Variants in EMC3 observed in about 807,000 individuals in gnomAD.
EMC3 encodes ER membrane protein complex subunit 3.
Under a neutral mutation model 36.6 loss-of-function variants are expected in EMC3, and 13 were observed. The ratio of observed to expected loss-of-function variants is 0.35; its 90% CI spans 0.23 to 0.56. EMC3 has a LOEUF of 0.56. EMC3 is among the 20% of genes least tolerant of loss of function. EMC3 has a pLI of 0.84. For missense variants in EMC3, 220 were observed against 324.5 expected (o/e 0.68, Z 2.47); for synonymous variants, 120 against 111.9 (o/e 1.07, Z -0.46).
At position 9,986,761 on chromosome 3, in the gene EMC3, C is replaced by G. The variant is rs545186730; in HGVS notation, c.-100G>C. On this transcript the variant is annotated 5_prime_UTR_variant, in exon 1 of 8. Coordinates refer to ENST00000245046, the MANE Select transcript of EMC3 (RefSeq NM_001394674.1). ...TTCGCCTCCGGGCCTTCTCAAGCCC[C>G]TTTGCCCGTGTACCCCAGAACTCTC... 3 of 1,548,834 alleles carry G rather than the reference C, an allele frequency of 1.9e-6. No homozygotes were observed. The highest frequency in any genetic ancestry group is 2.6e-6 in the Non-Finnish European group (3 of 1,148,756).
At chr3:9,975,986 A>T (rs2085845546) in intron 3 of EMC3, among the ~76,000 whole-genome samples, 1 of 152,192 alleles carries the variant, frequency 6.6e-6, no homozygotes, top group Admixed American at 6.5e-5. Context: ...AAAAAAAATT[A>T]ATTATAATAC....
chr3:9,963,821 G>A lies in EMC3; in HGVS notation c.*248C>T. 1 of 417,428 alleles carries A rather than the reference G, an allele frequency of 2.4e-6. No homozygotes were observed. 25.9% of individuals were successfully genotyped at this position (417,428 alleles called of 1,614,324 possible). A position where few individuals can be genotyped will look rare whatever the true frequency, so the allele number is the denominator to read the frequency against. On this transcript the variant is annotated 3_prime_UTR_variant, in exon 8 of 8. Coordinates refer to ENST00000245046, the MANE Select transcript of EMC3 (RefSeq NM_001394674.1). Reference sequence around the variant, plus strand: ...TAGCCTGAGGTTTCCCCCTTTCTCTGACTTTCATTACTAGAGTCACCAGAA... The same window carrying A: ...TAGCCTGAGGTTTCCCCCTTTCTCTAACTTTCATTACTAGAGTCACCAGAA...
chr3:9,986,376 C>T (rs1299126843), intron 1 of EMC3, 131 bp downstream of exon 1: 3 of 1,014,276 alleles, frequency 3.0e-6, no homozygotes, highest in Admixed American at 2.2e-5. Flanking sequence ...AAGTGAAACA[C>T]AGAGGTAACG....
intron 1 of EMC3, among the ~76,000 whole-genome samples, chr3:9,978,008 T>C (rs1213768404): frequency 6.6e-6 from 1 of 151,868 alleles, no homozygotes; most frequent in Non-Finnish European, 1.5e-5. Context: ...GAGCCATAGT[T>C]GATCAATAAA....
At chr3:9,965,702 C>T (rs1454501033) in intron 7 of EMC3, among the ~76,000 whole-genome samples, 2 of 152,140 alleles carry the variant, frequency 1.3e-5, no homozygotes, top group Admixed American at 6.5e-5. Context: ...GCAACTACTA[C>T]GTTATCTTCC....
At chr3:9,989,746 C>T (rs1465473860), upstream of EMC3, among the ~76,000 whole-genome samples, 3 of 152,010 alleles carry the variant, frequency 2.0e-5, no homozygotes, top group African/African-American at 2.4e-5. Context: ...CCTATTTTTA[C>T]GTATTTGTAA....
upstream of EMC3, chr3:9,987,886 C>G: frequency 1.2e-6 from 1 of 837,496 alleles, no homozygotes; most frequent in Non-Finnish European, 2.0e-6. Context: ...AACACCATAG[C>G]TAATATTAAC....
chr3:9,963,475 A>ATT lies in EMC3; in HGVS notation c.*593_*594insAA, dbSNP rs1461623657. 6.8e-5 allele frequency: 7 copies of ATT among 102,548 alleles called. No individual in the cohort carries two copies. The highest frequency in any genetic ancestry group is 1.5e-4 in the Non-Finnish European group (7 of 45,920). The allele number at this position is 102,548 out of a possible 1,614,324, so 6.4% of individuals were successfully genotyped here. A position where few individuals can be genotyped will look rare whatever the true frequency, so the allele number is the denominator to read the frequency against. On this transcript the variant is annotated 3_prime_UTR_variant, in exon 8 of 8. Coordinates refer to ENST00000245046, the MANE Select transcript of EMC3 (RefSeq NM_001394674.1). The stretch of plus-strand genomic sequence containing the variant: ...GATAGATATATATATATATATATAT[A>ATT]TATTTTTTTTTTTTTTTCAGATGGA...
upstream of EMC3, among the ~76,000 whole-genome samples, chr3:9,987,593 C>A (rs2085993073): frequency 6.6e-6 from 1 of 152,184 alleles, no homozygotes; most frequent in African/African-American, 2.4e-5. Context: ...TCCTGACTAA[C>A]TGAGAATGTT....
At chr3:9,976,057 G>A (rs2085846536) in intron 3 of EMC3, among the ~76,000 whole-genome samples, 1 of 152,058 alleles carries the variant, frequency 6.6e-6, no homozygotes, top group Non-Finnish European at 1.5e-5. Context: ...GTACTAAAAT[G>A]AGAGGAGTCA....
At chr3:9,990,325 CT>C (rs4020037), upstream of EMC3, among the ~76,000 whole-genome samples, 479 of 88,686 alleles carry the variant, frequency 5.4e-3, 2 homozygotes, top group African/African-American at 0.014. Flanking sequence ...GGGCCTTTCT[CT>C]TTTTTTTTTT....
chr3:9,988,438 T>G, upstream of EMC3: 3 of 1,356,704 alleles, frequency 2.2e-6, no homozygotes, highest in Non-Finnish European at 3.2e-6. Context: ...TAAAGTCAGC[T>G]ATTAGATATG....
intron 3 of EMC3, among the ~76,000 whole-genome samples, chr3:9,976,171 A>C (rs558577829): frequency 8.6e-5 from 13 of 151,912 alleles, no homozygotes; most frequent in Non-Finnish European, 1.6e-4. Context: ...CAGTGACGTG[A>C]CCTCAGCTCA....
rs1196133629 is a variant in EMC3, at chr3:9,963,436, T to C, written c.*633A>G. On this transcript the variant is annotated 3_prime_UTR_variant, in exon 8 of 8. Coordinates refer to ENST00000245046, the MANE Select transcript of EMC3 (RefSeq NM_001394674.1). ...AATTAACAATGCTTCCTTCGAAGAC[T>C]GGGCTTCTGCTAAGATAGATATATA... 4 of 146,682 alleles carry C rather than the reference T, an allele frequency of 2.7e-5. No homozygotes were observed. Among genetic ancestry groups the C allele is most frequent in the Admixed American group, 2.1e-4 (3 of 14,580 alleles). 9.1% of individuals were successfully genotyped at this position (146,682 alleles called of 1,614,324 possible).
In EMC3 at chr3:9,973,159, T is replaced by C. The variant is rs938359581; in HGVS notation, c.494+469A>G. ...ATCTTTAAGGGACACTGGTTTTAGA[T>C]TTTGGTTTGTGAGGTTTTTGTTTTC... On this transcript the variant is annotated intron_variant, in intron 5 of 7. Coordinates refer to ENST00000245046, the MANE Select transcript of EMC3 (RefSeq NM_001394674.1). 2.0e-5 allele frequency among the ~76,000 whole-genome samples: 3 copies of C among 150,704 alleles called. 1 individual carries two copies. The East Asian group carries it at 5.9e-4, about 30-fold the overall frequency.
At chr3:9,993,934 A>G (rs2086089045) in intron 1 of EMC3, among the ~76,000 whole-genome samples, 1 of 152,300 alleles carries the variant, frequency 6.6e-6, no homozygotes, top group African/African-American at 2.4e-5. Context: ...ATAGGAATGT[A>G]CTATTAGGCT....
chr3:9,976,079 C>T (rs1575678799), intron 3 of EMC3, among the ~76,000 whole-genome samples: 1 of 152,042 alleles, frequency 6.6e-6, no homozygotes, highest in African/African-American at 2.4e-5. Context: ...CACAGAACAA[C>T]AAATTACTTT....
chr3:9,992,320 T>C (rs1211246968), intron 1 of EMC3, among the ~76,000 whole-genome samples: 1 of 151,938 alleles, frequency 6.6e-6, no homozygotes, highest in Non-Finnish European at 1.5e-5. Context: ...GAAATGGGGT[T>C]TCACCGTGTT....
At chr3:10,008,228 A>C in intron 1 of EMC3, 1 of 408,318 alleles carries the variant, frequency 2.4e-6, no homozygotes, top group South Asian at 2.0e-5. Context: ...TTTTACTATC[A>C]CTGGACGAGG....
Sources: allele counts gnomAD v4.1 joint callset (sites outside exome capture counted in the v4.1 genomes callset), GRCh38; gene constraint gnomAD v4.1.1; transcripts MANE v1.5; gene names NCBI Gene and HGNC (gene_info 2026-07-23, HGNC 2026-07-21).